The following NRG1 variants were observed in gnomAD, a reference collection of about 807,000 sequenced individuals.
NRG1 encodes the protein pro-neuregulin-1, membrane-bound isoform.
Under a neutral mutation model 63.8 loss-of-function variants are expected in NRG1, and 18 were observed. The ratio of observed to expected loss-of-function variants is 0.28; its 90% CI spans 0.19 to 0.42. The LOEUF (loss-of-function observed/expected upper bound fraction) is 0.42, where lower values mean the gene tolerates loss of function less well. Among genes scored for constraint, NRG1 ranks in the 10% least tolerant of loss-of-function variants. The pLI, the probability that NRG1 is intolerant of heterozygous loss-of-function variation, is 1.00. For synonymous variants in NRG1, 302 were observed against 301.3 expected (o/e 1.00, Z -0.02); for missense variants, 762 against 814.7 (o/e 0.94, Z 0.79).
At chr8:32,017,346 A>G (rs993556403) in intron 1 of NRG1, among the ~76,000 whole-genome samples, 11 of 152,188 alleles carry the variant, frequency 7.2e-5, no homozygotes, top group Admixed American at 3.3e-4. Flanking sequence ...CTCTCACACC[A>G]CAACAATCAA....
chr8:31,825,352 C>T (rs1216008760), intron 1 of NRG1, among the ~76,000 whole-genome samples: 1 of 151,200 alleles, frequency 6.6e-6, no homozygotes, highest in African/African-American at 2.4e-5. Flanking sequence ...CGCACCACTG[C>T]ACTCCATCCT....
At chr8:32,582,882 T>C (rs558494505) in intron 1 of NRG1, among the ~76,000 whole-genome samples, 81 of 152,368 alleles carry the variant, frequency 5.3e-4, no homozygotes, top group Middle Eastern at 3.4e-3. Context: ...TCTCAAAAAA[T>C]GCTTTTGCTC....
chr8:31,876,066 C>CAAAG (rs560942104), intron 1 of NRG1, among the ~76,000 whole-genome samples: 5,465 of 149,204 alleles, frequency 0.037, 207 homozygotes, highest in Admixed American at 0.097. Context: ...AACAAACAAA[C>CAAAG]AATTGGAAGA....
At chr8:31,769,368 C>A (rs1818395338) in intron 1 of NRG1, among the ~76,000 whole-genome samples, 1 of 152,150 alleles carries the variant, frequency 6.6e-6, no homozygotes, top group African/African-American at 2.4e-5. Context: ...TCTGTGTTGA[C>A]CCAAGTTGGG....
intron 1 of NRG1, among the ~76,000 whole-genome samples, chr8:32,233,244 G>C (rs527681638): frequency 1.3e-5 from 2 of 152,004 alleles, no homozygotes; most frequent in East Asian, 3.9e-4. Flanking sequence ...TGGGACTACA[G>C]GTGTGTGCCA....
intron 1 of NRG1, among the ~76,000 whole-genome samples, chr8:31,709,796 T>C (rs1359275509): frequency 6.6e-6 from 1 of 151,910 alleles, no homozygotes; most frequent in Non-Finnish European, 1.5e-5. Flanking sequence ...TGTGGCTTTT[T>C]AAATTCTTAT....
intron 1 of NRG1, among the ~76,000 whole-genome samples, chr8:32,538,799 TAAG>T (rs1832285520): frequency 6.6e-6 from 1 of 152,144 alleles, no homozygotes; most frequent in Non-Finnish European, 1.5e-5. Context: ...TTGTGTACTT[TAAG>T]AAGATAAAAA....
At chr8:32,268,094 G>A (rs1554492809) in intron 1 of NRG1, among the ~76,000 whole-genome samples, 1 of 151,948 alleles carries the variant, frequency 6.6e-6, no homozygotes, top group Non-Finnish European at 1.5e-5. Context: ...GGCACCAAGG[G>A]GCCATATTGG....
chr8:31,765,611 C>G (rs1168102915), intron 1 of NRG1, among the ~76,000 whole-genome samples: 1 of 152,190 alleles, frequency 6.6e-6, no homozygotes, highest in African/African-American at 2.4e-5. Flanking sequence ...CTTCTGCACT[C>G]TAGCTGCCTT....
chr8:32,769,585 G>A (rs1418993527), downstream of NRG1, among the ~76,000 whole-genome samples: 3 of 152,144 alleles, frequency 2.0e-5, no homozygotes, highest in Non-Finnish European at 4.4e-5. Context: ...AAGTTTCGAT[G>A]ACTTTATATG....
At chr8:31,943,171 A>G (rs1430950220) in intron 1 of NRG1, among the ~76,000 whole-genome samples, 2 of 152,160 alleles carry the variant, frequency 1.3e-5, no homozygotes, top group Non-Finnish European at 2.9e-5. Context: ...AAATATTTAT[A>G]TGTACACACA....
chr8:32,122,780 C>T (rs1185145769), intron 1 of NRG1, among the ~76,000 whole-genome samples: 1 of 151,740 alleles, frequency 6.6e-6, no homozygotes, highest in Non-Finnish European at 1.5e-5. Flanking sequence ...CCCGCTCCCC[C>T]CACCCCACAA....
chr8:32,129,976 T>C (rs2131620210), intron 1 of NRG1, among the ~76,000 whole-genome samples: 1 of 152,084 alleles, frequency 6.6e-6, no homozygotes, highest in South Asian at 2.1e-4. Context: ...AACACTAAAT[T>C]ATGATAATCC....
At chr8:31,852,975 T>C (rs1380687467) in intron 1 of NRG1, among the ~76,000 whole-genome samples, 1 of 152,050 alleles carries the variant, frequency 6.6e-6, no homozygotes, top group Non-Finnish European at 1.5e-5. Context: ...TCTATATCTC[T>C]GTTTTGGTAC....
At chr8:31,967,915 T>C (rs897438445) in intron 1 of NRG1, among the ~76,000 whole-genome samples, 1 of 152,078 alleles carries the variant, frequency 6.6e-6, no homozygotes, top group African/African-American at 2.4e-5. Context: ...CCAGAGAACA[T>C]CTCTATGAAA....
intron 5 of NRG1, among the ~76,000 whole-genome samples, chr8:32,636,433 C>T (rs966360614): frequency 2.0e-5 from 3 of 152,264 alleles, no homozygotes; most frequent in Admixed American, 2.0e-4. Context: ...GAGAATCCAG[C>T]AGCAGAGAAG....
chr8:32,305,206 A>G (rs1443782473), intron 1 of NRG1, among the ~76,000 whole-genome samples: 3 of 152,134 alleles, frequency 2.0e-5, no homozygotes, highest in African/African-American at 7.2e-5. Flanking sequence ...AATACTAGTG[A>G]TATACTATTA....
rs138261846 is a variant in NRG1, at chr8:31,945,102, G to A, written c.37+305671G>A. Among the ~76,000 whole-genome samples the A allele has an allele frequency of 9.9e-4, 150 of 152,180 alleles. 1 individual carries two copies. The highest frequency in any genetic ancestry group is 3.4e-3 in the African/African-American group (143 of 41,532). Reference sequence around the variant, plus strand: ...ATTCCCTGAGGCCCTTTTTGCCTTCGAGTAAATGCTCTTTATCATTCTAAG... The same window carrying A: ...ATTCCCTGAGGCCCTTTTTGCCTTCAAGTAAATGCTCTTTATCATTCTAAG... On this transcript the variant is annotated intron_variant, in intron 1 of 10. Coordinates refer to the NRG1 transcript ENST00000519301.
chr8:32,325,939 T>A (rs1586838116), intron 1 of NRG1, among the ~76,000 whole-genome samples: 1 of 152,032 alleles, frequency 6.6e-6, no homozygotes, highest in Admixed American at 6.5e-5. Context: ...ACTGGCAGAG[T>A]TTATCCCTCA....
Sources: gnomAD v4.1 joint callset for allele counts (sites outside exome capture counted in the v4.1 genomes callset) on GRCh38, gnomAD v4.1.1 for gene constraint, MANE v1.5 for transcripts, NCBI Gene and HGNC (gene_info 2026-07-23, HGNC 2026-07-21) for gene names.